Variants in USP6 observed in about 807,000 individuals in gnomAD.
USP6 encodes ubiquitin specific peptidase 6, also known as ubiquitin carboxyl-terminal hydrolase 6.
USP6 carries 128 observed loss-of-function variants against 175.7 expected under a neutral mutation model. The ratio of observed to expected loss-of-function variants is 0.73; its 90% CI spans 0.63 to 0.84. The LOEUF (loss-of-function observed/expected upper bound fraction) is 0.84, where lower values mean the gene tolerates loss of function less well. Ranked by LOEUF, USP6 falls within the 40% of genes least tolerant of loss-of-function variation. The pLI is 0.00. For synonymous variants in USP6, 562 were observed against 630.6 expected (o/e 0.89, Z 1.63); for missense variants, 1,498 against 1,760.3 (o/e 0.85, Z 2.67).
At chr17:5,127,396 T>G (rs2072927743) in intron 6 of USP6, 108 bp from the exon 7 acceptor site, 1 of 152,266 alleles carries the variant, frequency 6.6e-6, no homozygotes, top group Non-Finnish European at 1.5e-5. Context: ...ATATGCTTTC[T>G]GGATCCTGGA....
chr17:5,133,650 G>GGGGGGGGA, intron 14 of USP6, 100 bp downstream of exon 14: 1 of 556,558 alleles, frequency 1.8e-6, no homozygotes, highest in Non-Finnish European at 3.5e-6. Flanking sequence ...GGGGGGGTGG[G>GGGGGGGGA]AGGGGATGGT....
At chr17:5,149,389 C>G (rs117092470) in intron 30 of USP6, among the ~76,000 whole-genome samples, 15,527 of 151,700 alleles carry the variant, frequency 0.1, 1,733 homozygotes, top group South Asian at 0.48. Context: ...GGTGGTAAAG[C>G]GAGACTTCAT....
At chr17:5,155,206 A>G (rs1196479677) in intron 30 of USP6, among the ~76,000 whole-genome samples, 1 of 152,268 alleles carries the variant, frequency 6.6e-6, no homozygotes, top group Non-Finnish European at 1.5e-5. Flanking sequence ...AGAATAGGCA[A>G]CAACTCTAAA....
intron 33 of USP6, among the ~76,000 whole-genome samples, chr17:5,166,195 A>C (rs2144147331): frequency 6.6e-6 from 1 of 152,208 alleles, no homozygotes; most frequent in South Asian, 2.1e-4. Context: ...TTACTACAGA[A>C]TTTGTACTCA....
rs2143825452 is a variant in USP6 at position 5,130,648 on chromosome 17, G to A, written c.119G>A (p.Gly40Glu). ...GAGGACAAGGGGCCTGAGCCCGTTG[G>A]AATCAACAGCAGCATTGATCGTTTT... ...LPEDKGPEPV[G>E]INSSIDRFGI... The change falls in exon 11 of 38, where the codon GGA (glycine) becomes GAA (glutamate). Residue 40 changes from glycine to glutamate, a missense_variant. Gly to Glu is a moderately conservative substitution (Grantham distance 98, BLOSUM62 -2). Around this residue, in one of 2 missense-constraint regions of USP6, gnomAD observed 281 missense variants for 259.6 expected, o/e 1.08. Transcript: ENST00000574788. 4 of 1,613,940 alleles carry A rather than the reference G, an allele frequency of 2.5e-6. No individual in the cohort carries two copies. In the South Asian group the frequency reaches 3.3e-5, roughly 13 times the overall value.
intron 31 of USP6, among the ~76,000 whole-genome samples, chr17:5,158,177 T>G (rs1409770679): frequency 6.6e-6 from 1 of 152,068 alleles, no homozygotes; most frequent in Non-Finnish European, 1.5e-5. Flanking sequence ...AGAGTGAGAT[T>G]TAAATAGAGA....
At position 5,172,844 on chromosome 17, in the gene USP6, ATTC is replaced by A; in HGVS notation, c.4090_4092del (p.Leu1364del). The A allele has an allele frequency of 1.2e-6, 2 of 1,613,914 alleles. No homozygotes were observed. Among genetic ancestry groups the A allele is most frequent in the Non-Finnish European group, 1.7e-6 (2 of 1,179,876 alleles). On this transcript the variant is annotated inframe_deletion, in exon 38 of 38. Coordinates refer to ENST00000574788, the MANE Select transcript of USP6 (RefSeq NM_001304284.2). Reference sequence around the variant, plus strand: ...TGAAATTGACACCGACTCTGCCTACATTCTTTTCTATGAGCAGCAGGGGATAGA... The same window carrying A: ...TGAAATTGACACCGACTCTGCCTACATTTTCTATGAGCAGCAGGGGATAGA...
At chr17:5,120,282 CAGT>C (rs2072623763) in intron 2 of USP6, among the ~76,000 whole-genome samples, 1 of 151,594 alleles carries the variant, frequency 6.6e-6, no homozygotes. Context: ...GGGGGCAAGG[CAGT>C]GGTGGGGGCA....
intron 31 of USP6, among the ~76,000 whole-genome samples, chr17:5,158,580 G>GGAGA (rs772325537): frequency 3.2e-4 from 33 of 104,204 alleles, no homozygotes; most frequent in African/African-American, 1.1e-3. Flanking sequence ...AGAGAGAGAG[G>GGAGA]GAGAGAGAGA....
At chr17:5,130,802 CT>C in intron 11 of USP6, 118 bp downstream of exon 11, 2 of 1,347,804 alleles carry the variant, frequency 1.5e-6, no homozygotes, top group Admixed American at 1.9e-5. Flanking sequence ...GGGCCAACCT[CT>C]TTTCCAGGGT....
At chr17:5,133,399 G>C (rs758899780) in intron 13 of USP6, 44 bp from the exon 14 acceptor site, 10 of 1,558,664 alleles carry the variant, frequency 6.4e-6, no homozygotes, top group Non-Finnish European at 8.0e-6. Flanking sequence ...TCCTCACTGG[G>C]GTCACCCCAT....
At chr17:5,172,605 G>A (rs189680071) in intron 37 of USP6, among the ~76,000 whole-genome samples, 200 bp from the exon 38 acceptor site, 8 of 152,240 alleles carry the variant, frequency 5.3e-5, no homozygotes, top group Admixed American at 5.2e-4. Context: ...ACTTGTCTAT[G>A]GTCAAAATAT....
intron 37 of USP6, among the ~76,000 whole-genome samples, chr17:5,171,975 GAC>G (rs1326872267): frequency 6.6e-6 from 1 of 151,828 alleles, no homozygotes; most frequent in Non-Finnish European, 1.5e-5. Context: ...AGGAGTTCGA[GAC>G]CAGACTGGCC....
chr17:5,135,352 G>T (rs1275300919), intron 16 of USP6, 70 bp downstream of exon 16: 19 of 1,572,982 alleles, frequency 1.2e-5, no homozygotes, highest in Non-Finnish European at 1.7e-5. Flanking sequence ...TCTGGTGGGG[G>T]TGTCGTTGCT....
chr17:5,117,554 C>T (rs548311047), intron 1 of USP6, among the ~76,000 whole-genome samples: 1 of 150,776 alleles, frequency 6.6e-6, no homozygotes. Flanking sequence ...ATTTACAGCA[C>T]AAGTGAATAA....
chr17:5,131,417 G>T (rs1335917728), intron 11 of USP6, among the ~76,000 whole-genome samples: 5 of 151,414 alleles, frequency 3.3e-5, no homozygotes, highest in Non-Finnish European at 7.4e-5. Flanking sequence ...TATGAGGCGT[G>T]CCACTTCTGA....
intron 21 of USP6, 49 bp from the exon 22 acceptor site, chr17:5,139,206 G>T (rs763794557): frequency 1.0e-5 from 16 of 1,598,390 alleles, no homozygotes; most frequent in Middle Eastern, 1.7e-4. Flanking sequence ...GCCCGGAAAG[G>T]CCTGCATGGG....
Position 5,167,970 on chromosome 17 carries a change from A to G in USP6, c.3075A>G (p.Arg1025=). ...DKHESVEQSR[R]AQAEPINLDS... The stretch of plus-strand genomic sequence containing the variant: ...ATGAGAGTGTGGAGCAGAGTCGGCG[A>G]GCGCAAGCCGAGCCCATCAACCTGG... Residue 1025 remains arginine (R), a synonymous_variant, in exon 34 of 38, where the codon CGA becomes CGG. Transcript: ENST00000574788. The G allele has an allele frequency of 6.2e-7, 1 of 1,611,938 alleles. No homozygotes were observed. Among genetic ancestry groups the G allele is most frequent in the Non-Finnish European group, 8.5e-7 (1 of 1,179,830 alleles).
chr17:5,122,658 C>T lies in USP6; in HGVS notation c.-1299+908C>T, dbSNP rs1286008845. Among the ~76,000 whole-genome samples, 3 of 152,336 alleles carry T rather than the reference C, an allele frequency of 2.0e-5. No homozygotes were observed. In the East Asian group the frequency reaches 5.8e-4, roughly 29 times the overall value. On this transcript the variant is annotated intron_variant, in intron 4 of 37. Coordinates refer to ENST00000574788, the MANE Select transcript of USP6 (RefSeq NM_001304284.2). ...GGCTGCAACGCGTGTCTCCCCTGGACACAGCTCCGCCCTTCCCGGGAACAA... is the reference window on the plus strand; with the variant it reads ...GGCTGCAACGCGTGTCTCCCCTGGATACAGCTCCGCCCTTCCCGGGAACAA...
Sources: gnomAD v4.1 joint callset for allele counts (sites outside exome capture counted in the v4.1 genomes callset) on GRCh38, gnomAD v4.1.1 for gene constraint, gnomAD v4.1.1 regional missense constraint, MANE v1.5 for transcripts, NCBI Gene and HGNC (gene_info 2026-07-23, HGNC 2026-07-21) for gene names.